Variants in NKAIN2 observed in about 807,000 individuals in gnomAD.
NKAIN2 encodes sodium/potassium transporting ATPase interacting 2, also known as sodium/potassium-transporting ATPase subunit beta-1-interacting protein 2.
A neutral mutation model predicts 32.6 loss-of-function variants in NKAIN2; 14 were observed. That is an observed-to-expected ratio of 0.43 (90% CI 0.28 to 0.67). NKAIN2 has a LOEUF of 0.67. NKAIN2 is among the 30% of genes least tolerant of loss of function. The pLI is 0.17. For synonymous variants in NKAIN2, 80 were observed against 87.2 expected (o/e 0.92, Z 0.46); for missense variants, 198 against 258.3 (o/e 0.77, Z 1.60).
chr6:124,290,533 T>C (rs1257290678), intron 2 of NKAIN2, among the ~76,000 whole-genome samples: 2 of 151,206 alleles, frequency 1.3e-5, no homozygotes, highest in African/African-American at 2.4e-5. Context: ...TGTGTGTGTG[T>C]GTGTGTGTGT....
intron 3 of NKAIN2, among the ~76,000 whole-genome samples, chr6:124,537,936 T>A (rs559657222): frequency 6.6e-6 from 1 of 152,294 alleles, no homozygotes; most frequent in Non-Finnish European, 1.5e-5. Flanking sequence ...TTACCTTTAA[T>A]ATTTTCATGT....
chr6:124,591,766 A>T (rs868302812), intron 3 of NKAIN2, among the ~76,000 whole-genome samples: 5 of 152,130 alleles, frequency 3.3e-5, no homozygotes, highest in African/African-American at 1.2e-4. Flanking sequence ...TGTGAATAAT[A>T]TACTCTGCCA....
intron 1 of NKAIN2, among the ~76,000 whole-genome samples, chr6:123,916,862 C>G (rs151242143): frequency 6.6e-6 from 1 of 151,962 alleles, no homozygotes; most frequent in Non-Finnish European, 1.5e-5. Flanking sequence ...ACCTATCTGT[C>G]ATCTACCTAC....
intron 3 of NKAIN2, among the ~76,000 whole-genome samples, chr6:124,644,464 G>A (rs1337573742): frequency 6.6e-6 from 1 of 151,462 alleles, no homozygotes; most frequent in Admixed American, 6.6e-5. Flanking sequence ...GAGGGTAGTG[G>A]CACGATTTCG....
At chr6:124,487,912 T>C (rs1335146796) in intron 3 of NKAIN2, among the ~76,000 whole-genome samples, 6 of 152,122 alleles carry the variant, frequency 3.9e-5, no homozygotes, top group African/African-American at 1.4e-4. Context: ...TTAAGTTTTA[T>C]TGAATAAACA....
chr6:124,445,820 A>G (rs1775867877), intron 3 of NKAIN2, among the ~76,000 whole-genome samples: 1 of 152,032 alleles, frequency 6.6e-6, no homozygotes, highest in Non-Finnish European at 1.5e-5. Context: ...CAGGCTTGGC[A>G]TGTCATTAAG....
At chr6:124,660,728 CA>C (rs1784716963) in intron 4 of NKAIN2, among the ~76,000 whole-genome samples, 1 of 152,332 alleles carries the variant, frequency 6.6e-6, no homozygotes, top group Middle Eastern at 3.4e-3. Flanking sequence ...AGCAATGGCA[CA>C]GCCACGGCAT....
At chr6:124,083,420 A>G (rs994451854) in intron 1 of NKAIN2, among the ~76,000 whole-genome samples, 1 of 151,928 alleles carries the variant, frequency 6.6e-6, no homozygotes, top group Non-Finnish European at 1.5e-5. Context: ...AAGTATCAGT[A>G]AGTATTATAT....
intron 5 of NKAIN2, among the ~76,000 whole-genome samples, chr6:124,803,283 A>T (rs1353228674): frequency 6.6e-6 from 1 of 152,172 alleles, no homozygotes; most frequent in Non-Finnish European, 1.5e-5. Context: ...TCTTCTTGCA[A>T]CCCTGCCCAA....
In NKAIN2 at chr6:123,804,090, C is replaced by T. The variant is rs342610; in HGVS notation, c.-111C>T. ...TGGCAGCAGCAGCAGCCCGGAGCCCCCGAGCCCTCGGCAGGTTTGCGTGTC... is the reference window on the plus strand; with the variant it reads ...TGGCAGCAGCAGCAGCCCGGAGCCCTCGAGCCCTCGGCAGGTTTGCGTGTC... On this transcript the variant is annotated 5_prime_UTR_variant, in exon 1 of 7. Transcript: ENST00000368417. The T allele has an allele frequency of 0.012, 11,740 of 977,720 alleles. 119 individuals are homozygous for T. Among genetic ancestry groups the T allele is most frequent in the Middle Eastern group, 0.022 (73 of 3,358 alleles). 60.6% of individuals were successfully genotyped at this position (977,720 alleles called of 1,614,324 possible). A position where few individuals can be genotyped will look rare whatever the true frequency, so the allele number is the denominator to read the frequency against.
intron 4 of NKAIN2, among the ~76,000 whole-genome samples, chr6:124,738,338 A>C (rs1245649014): frequency 5.3e-5 from 8 of 151,892 alleles, no homozygotes; most frequent in African/African-American, 1.7e-4. Flanking sequence ...ACATAGAAAT[A>C]ATAAAAATAA....
intron 3 of NKAIN2, among the ~76,000 whole-genome samples, chr6:124,475,018 C>T (rs943098427): frequency 6.6e-6 from 1 of 150,642 alleles, no homozygotes; most frequent in Admixed American, 6.7e-5. Flanking sequence ...ATGAGTAGAT[C>T]CAGGGTTCCT....
intron 1 of NKAIN2, among the ~76,000 whole-genome samples, chr6:124,179,730 A>C (rs1456353552): frequency 1.3e-5 from 2 of 152,196 alleles, no homozygotes; most frequent in African/African-American, 4.8e-5. Flanking sequence ...GGGGAAATGT[A>C]ACTGTGACTG....
At position 124,678,726 on chromosome 6, in the gene NKAIN2, C is replaced by G. The variant is rs1001746973; in HGVS notation, c.474+20340C>G. ...TCATTTGTGGAAATTTTCTTTTGCT[C>G]TTTTGATTGTGCCATGTTTCCCTGT... On this transcript the variant is annotated intron_variant, in intron 4 of 6. Coordinates refer to ENST00000368417, the MANE Select transcript of NKAIN2 (RefSeq NM_001040214.3). 1.4e-4 allele frequency among the ~76,000 whole-genome samples: 22 copies of G among 152,232 alleles called. No homozygotes were observed. The East Asian group carries it at 3.9e-3, about 27-fold the overall frequency.
At chr6:124,099,855 G>A (rs925092388) in intron 1 of NKAIN2, among the ~76,000 whole-genome samples, 1 of 152,166 alleles carries the variant, frequency 6.6e-6, no homozygotes, top group African/African-American at 2.4e-5. Flanking sequence ...CTGAAAGAGA[G>A]GGTTAAAGCC....
intron 1 of NKAIN2, among the ~76,000 whole-genome samples, chr6:123,849,891 T>C (rs558801023): frequency 1.3e-5 from 2 of 152,018 alleles, no homozygotes; most frequent in African/African-American, 4.8e-5. Flanking sequence ...TATTATTATT[T>C]ACAATTTTCT....
At chr6:124,088,481 G>A (rs1033111408) in intron 1 of NKAIN2, among the ~76,000 whole-genome samples, 1 of 151,938 alleles carries the variant, frequency 6.6e-6, no homozygotes, top group Non-Finnish European at 1.5e-5. Flanking sequence ...ATTTATCTTA[G>A]AGGTGTCTTT....
intron 4 of NKAIN2, among the ~76,000 whole-genome samples, chr6:124,726,339 C>CTT (rs1306022530): frequency 6.6e-6 from 1 of 152,190 alleles, no homozygotes; most frequent in Admixed American, 6.5e-5. Context: ...CAGTGGTTCT[C>CTT]CCAGCACACA....
In NKAIN2 at chr6:124,186,463, T is replaced by C. The variant is rs541651711; in HGVS notation, c.55-96542T>C. On this transcript the variant is annotated intron_variant, in intron 1 of 6. Transcript: ENST00000368417. ...CTTTAAGAGGAGAAAATTGGAAAGT[T>C]TTCCACAGTGAACCTTGAGAGAATA... is the stretch of plus-strand genomic sequence containing the variant. Among the ~76,000 whole-genome samples, 32 of 151,852 alleles carry C rather than the reference T, an allele frequency of 2.1e-4. 1 individual carries two copies. Among genetic ancestry groups the C allele is most frequent in the Non-Finnish European group, 3.5e-4 (24 of 67,958 alleles).
Sources: gnomAD v4.1 joint callset for allele counts (sites outside exome capture counted in the v4.1 genomes callset) on GRCh38, gnomAD v4.1.1 for gene constraint, MANE v1.5 for transcripts, NCBI Gene and HGNC (gene_info 2026-07-23, HGNC 2026-07-21) for gene names.